Variants in SEC14L1 observed in about 807,000 individuals in gnomAD.
The protein encoded by SEC14L1 is SEC14-like protein 1.
Under a neutral mutation model 85.3 loss-of-function variants are expected in SEC14L1, and 48 were observed. The ratio of observed to expected loss-of-function variants is 0.56; its 90% CI spans 0.45 to 0.72. The LOEUF is 0.72. SEC14L1 is among the 30% of genes least tolerant of loss of function. The pLI, the probability that SEC14L1 is intolerant of heterozygous loss-of-function variation, is 0.00. For synonymous variants in SEC14L1, 391 were observed against 355.5 expected, an observed-to-expected ratio of 1.10 and a Z score of -1.12; for missense variants, 682 against 921.4, an observed-to-expected ratio of 0.74 and a Z score of 3.36.
At chr17:77,127,410 C>T (rs939509580) in intron 3 of SEC14L1, among the ~76,000 whole-genome samples, 27 of 152,032 alleles carry the variant, frequency 1.8e-4, no homozygotes, top group African/African-American at 4.8e-4. Context: ...AGTGCAGTGG[C>T]GCGATCTCAG....
chr17:77,101,851 G>A lies in SEC14L1; in HGVS notation c.-136+8504G>A, dbSNP rs370716699. The stretch of plus-strand genomic sequence containing the variant: ...ACGTTGATGTAATTCCTTTAAACCA[G>A]CGTCCTGTGTTAGGGAAAACGTTCC... On this transcript the variant is annotated intron_variant, in intron 3 of 19. Coordinates refer to the SEC14L1 transcript ENST00000392476. Among the ~76,000 whole-genome samples the A allele has an allele frequency of 1.6e-3, 244 of 152,278 alleles. 1 individual carries two copies. The highest frequency in any genetic ancestry group is 5.3e-3 in the African/African-American group (222 of 41,544).
In SEC14L1 at chr17:77,215,585, G is replaced by T. The variant is rs1038238349; in HGVS notation, c.*1562G>T. 20 of 987,356 alleles carry T rather than the reference G, an allele frequency of 2.0e-5. No individual in the cohort carries two copies. The highest frequency in any genetic ancestry group is 2.3e-5 in the Non-Finnish European group (19 of 830,830). The allele number at this position is 987,356 out of a possible 1,614,324, so 61.2% of individuals were successfully genotyped here. A position where few individuals can be genotyped will look rare whatever the true frequency, so the allele number is the denominator to read the frequency against. On this transcript the variant is annotated 3_prime_UTR_variant, in exon 17 of 17. Transcript: ENST00000436233. ...CTCTTGCCCGGTCGGGTCAGCCCTA[G>T]TGGCTGCCTGCACACTGTAGACGTC...
In SEC14L1 at chr17:77,216,987, T is replaced by A. The variant is rs1174978282; in HGVS notation, c.*2964T>A. ...CCTTCCTAAATTTGTTATTTGCATA[T>A]CAAATTCTGTAAATGTTTTGTAAAC... is the stretch of plus-strand genomic sequence containing the variant. On this transcript the variant is annotated 3_prime_UTR_variant, in exon 17 of 17. Coordinates refer to ENST00000436233, the MANE Select transcript of SEC14L1 (RefSeq NM_001143998.2). The A allele has an allele frequency of 6.0e-6, 1 of 167,422 alleles. No individual in the cohort carries two copies. The highest frequency in any genetic ancestry group is 1.3e-5 in the Non-Finnish European group (1 of 76,308). 10.4% of individuals were successfully genotyped at this position (167,422 alleles called of 1,614,324 possible).
chr17:77,097,967 G>A (rs764807380), intron 3 of SEC14L1, among the ~76,000 whole-genome samples: 1 of 152,120 alleles, frequency 6.6e-6, no homozygotes, highest in Admixed American at 6.6e-5. Flanking sequence ...GTGAGAGTAA[G>A]TCACATGATG....
At chr17:77,187,289 A>G (rs1473940052) in intron 3 of SEC14L1, among the ~76,000 whole-genome samples, 1 of 152,052 alleles carries the variant, frequency 6.6e-6, no homozygotes, top group Admixed American at 6.6e-5. Flanking sequence ...ACCTTCCTTT[A>G]TAATGGGGCC....
At chr17:77,201,129 A>C (rs939123598) in intron 9 of SEC14L1, among the ~76,000 whole-genome samples, 1 of 152,206 alleles carries the variant, frequency 6.6e-6, no homozygotes, top group Admixed American at 6.5e-5. Context: ...GGGAGTAAGT[A>C]AGGCCTGGAT....
Position 77,214,878 on chromosome 17 carries a change from T to A in SEC14L1, c.*855T>A. On this transcript the variant is annotated 3_prime_UTR_variant, in exon 17 of 17. Transcript: ENST00000436233. ...CTCTGTGCCCTCTGGTGGCTCATTGTCCTCAGAGCCCAGACAGTTCCAGCC... is the reference window on the plus strand; with the variant it reads ...CTCTGTGCCCTCTGGTGGCTCATTGACCTCAGAGCCCAGACAGTTCCAGCC... The A allele has an allele frequency of 1.0e-6, 1 of 985,412 alleles. No homozygotes were observed. The highest frequency in any genetic ancestry group is 1.2e-6 in the Non-Finnish European group (1 of 829,954). The allele number at this position is 985,412 out of a possible 1,614,324, so 61.0% of individuals were successfully genotyped here. A position where few individuals can be genotyped will look rare whatever the true frequency, so the allele number is the denominator to read the frequency against.
rs1019527043 is a variant in SEC14L1 at position 77,123,586 on chromosome 17, G to GT, written c.-135-19050dup. 5.7e-3 allele frequency among the ~76,000 whole-genome samples: 827 copies of GT among 145,518 alleles called. 4 individuals are homozygous for GT. The highest frequency in any genetic ancestry group is 0.018 in the African/African-American group (697 of 39,642). The stretch of plus-strand genomic sequence containing the variant: ...ATCACCAAATCTGGCTATTTTCTTT[G>GT]TTTTTTTTTTGTAGAGACAGAGGTC... On this transcript the variant is annotated intron_variant, in intron 3 of 19. Transcript: ENST00000392476.
intron 13 of SEC14L1, among the ~76,000 whole-genome samples, chr17:77,207,996 G>A (rs576613125): frequency 1.1e-4 from 16 of 152,212 alleles, no homozygotes; most frequent in South Asian, 4.2e-4. Context: ...GGCACACGGC[G>A]GTGGCTGAAC....
chr17:77,158,508 G>A (rs900333322), intron 3 of SEC14L1, among the ~76,000 whole-genome samples: 4 of 151,754 alleles, frequency 2.6e-5, no homozygotes. Flanking sequence ...CCATGTTGTA[G>A]CTTTAGTTTT....
At chr17:77,202,512 G>A (rs538897347) in intron 9 of SEC14L1, among the ~76,000 whole-genome samples, 2 of 152,142 alleles carry the variant, frequency 1.3e-5, no homozygotes, top group African/African-American at 2.4e-5. Context: ...CCAGCTATTC[G>A]GGAGGCTGAG....
At chr17:77,136,023 C>T (rs572203160), upstream of SEC14L1, among the ~76,000 whole-genome samples, 95 of 151,120 alleles carry the variant, frequency 6.3e-4, 1 homozygote, top group Admixed American at 5.5e-3. Flanking sequence ...TAGGCACCAG[C>T]CACCACGCCC....
intron 3 of SEC14L1, chr17:77,094,919 A>T (rs749225583): frequency 5.9e-5 from 9 of 151,790 alleles, no homozygotes; most frequent in Non-Finnish European, 1.2e-4. Flanking sequence ...TTGTGTTAAG[A>T]TGTGATATAT....
chr17:77,140,498 C>G (rs1220186905), upstream of SEC14L1, among the ~76,000 whole-genome samples: 1 of 152,250 alleles, frequency 6.6e-6, no homozygotes, highest in African/African-American at 2.4e-5. Flanking sequence ...CGGGGGCAGC[C>G]GCCAGGGCGA....
At position 77,216,534 on chromosome 17, in the gene SEC14L1, TTC is replaced by T. The variant is rs746467531; in HGVS notation, c.*2515_*2516del. On this transcript the variant is annotated 3_prime_UTR_variant, in exon 17 of 17. Coordinates refer to ENST00000436233, the MANE Select transcript of SEC14L1 (RefSeq NM_001143998.2). ...GGTGGTCCCTGCTTTCTCTTTCTCT[TTC>T]TCTGTGTCTCAGATGGCGATTTTGC... 1.2e-6 allele frequency: 2 copies of T among 1,613,222 alleles called. No individual in the cohort carries two copies. The highest frequency in any genetic ancestry group is 1.7e-5 in the Admixed American group (1 of 59,966).
intron 3 of SEC14L1, among the ~76,000 whole-genome samples, chr17:77,168,133 G>A (rs940935544): frequency 6.6e-6 from 1 of 152,136 alleles, no homozygotes; most frequent in Non-Finnish European, 1.5e-5. Context: ...ATTACGGTAC[G>A]GGGCATGTCG....
chr17:77,108,768 A>G (rs1971979284), intron 3 of SEC14L1, among the ~76,000 whole-genome samples: 1 of 135,486 alleles, frequency 7.4e-6, no homozygotes, highest in Non-Finnish European at 1.5e-5. Context: ...ACATGTATAT[A>G]TACATTCATC....
chr17:77,178,025 T>G (rs544783268), intron 3 of SEC14L1, among the ~76,000 whole-genome samples: 1 of 151,932 alleles, frequency 6.6e-6, no homozygotes, highest in Non-Finnish European at 1.5e-5. Context: ...CCTGCCCCTT[T>G]GTACTCGTGG....
intron 3 of SEC14L1, among the ~76,000 whole-genome samples, chr17:77,165,172 G>A (rs1037952319): frequency 2.0e-5 from 3 of 152,184 alleles, no homozygotes; most frequent in South Asian, 2.1e-4. Flanking sequence ...TATAGTATAC[G>A]TAGCTAATCA....
Sources: gnomAD v4.1 joint callset for allele counts (sites outside exome capture counted in the v4.1 genomes callset) on GRCh38, gnomAD v4.1.1 for gene constraint, MANE v1.5 for transcripts, NCBI Gene and HGNC (gene_info 2026-07-23, HGNC 2026-07-21) for gene names.